Variants in KMT2E observed in about 807,000 individuals in gnomAD.
KMT2E encodes the protein lysine methyltransferase 2E (inactive).
KMT2E carries 30 observed loss-of-function variants against 184.6 expected under a neutral mutation model. That is an observed-to-expected ratio of 0.16 (90% CI 0.12 to 0.22). KMT2E has a LOEUF of 0.22. Among genes scored for constraint, KMT2E ranks in the 10% least tolerant of loss-of-function variants. KMT2E has a pLI of 1.00. For missense variants in KMT2E, 2,023 were observed against 2,237.4 expected (o/e 0.90, Z 1.93); for synonymous variants, 815 against 776.5 (o/e 1.05, Z -0.82).
At chr7:105,041,836 CACTT>C (rs1795895386) in intron 3 of KMT2E, among the ~76,000 whole-genome samples, 1 of 152,130 alleles carries the variant, frequency 6.6e-6, no homozygotes, top group African/African-American at 2.4e-5. Flanking sequence ...GATTTCTTGA[CACTT>C]AATCGACTAT....
At chr7:105,045,680 T>C (rs1214166690) in intron 3 of KMT2E, among the ~76,000 whole-genome samples, 2 of 152,238 alleles carry the variant, frequency 1.3e-5, no homozygotes, top group African/African-American at 4.8e-5. Flanking sequence ...ATATTTTGCT[T>C]ATCCATTCAT....
chr7:105,107,105 T>C (rs998343518), intron 20 of KMT2E, 61 bp from the exon 21 acceptor site: 1 of 889,728 alleles, frequency 1.1e-6, no homozygotes, highest in Non-Finnish European at 1.7e-6. Context: ...ATTTCTATAA[T>C]TATTATGGAT....
At position 105,074,624 on chromosome 7, in the gene KMT2E, A is replaced by G; in HGVS notation, c.557-19A>G. 6.8e-7 allele frequency: 1 copy of G among 1,462,250 alleles called. No homozygotes were observed. The highest frequency in any genetic ancestry group is 9.1e-7 in the Non-Finnish European group (1 of 1,100,370). The allele number at this position is 1,462,250 out of a possible 1,614,324, so 90.6% of individuals were successfully genotyped here. A position where few individuals can be genotyped will look rare whatever the true frequency, so the allele number is the denominator to read the frequency against. On this transcript the variant is annotated intron_variant, in intron 7 of 26. Coordinates refer to ENST00000311117, the MANE Select transcript of KMT2E (RefSeq NM_182931.3). ...AAATAGAAGTATTAAATGTGCAATAATTTTTATTTTGTCTGAAGATGGTGA... is the reference window on the plus strand; with the variant it reads ...AAATAGAAGTATTAAATGTGCAATAGTTTTTATTTTGTCTGAAGATGGTGA...
At chr7:105,111,800 T>A (rs1167060296) in intron 26 of KMT2E, 25 bp from the exon 27 acceptor site, 1 of 1,580,932 alleles carries the variant, frequency 6.3e-7, no homozygotes. Context: ...TCCTTGAATG[T>A]ATATAATTTG....
chr7:105,109,015 T>C lies in KMT2E; in HGVS notation c.3542T>C (p.Leu1181Pro). 6.2e-7 allele frequency: 1 copy of C among 1,614,150 alleles called. No individual in the cohort carries two copies. The highest frequency in any genetic ancestry group is 8.5e-7 in the Non-Finnish European group (1 of 1,180,008). Residue 1181 changes from leucine (L) to proline (P), a missense_variant, in exon 23 of 27, where the codon CTC becomes CCC. Physicochemically the swap from Leu to Pro is moderately conservative, Grantham distance 98. This residue lies in a region of KMT2E where 1,108 missense variants were observed against 1,050.9 expected (regional missense o/e 1.05). Transcript: ENST00000311117. ...GGCTCTAAGACAGAGAACTTTCCAC[T>C]CATTAGTGTATCACCCCATGCAAGT... is the stretch of plus-strand genomic sequence containing the variant. Reference protein sequence around the residue: ...KSGSKTENFPLISVSPHASGS... With the variant: ...KSGSKTENFPPISVSPHASGS...
intron 3 of KMT2E, among the ~76,000 whole-genome samples, chr7:105,043,138 A>G (rs368152200): frequency 6.6e-6 from 1 of 152,192 alleles, no homozygotes; most frequent in African/African-American, 2.4e-5. Flanking sequence ...TTATTCCATC[A>G]TTCTAAACTG....
At chr7:105,035,771 C>T (rs1020405720) in intron 1 of KMT2E, among the ~76,000 whole-genome samples, 6 of 151,862 alleles carry the variant, frequency 4.0e-5, no homozygotes, top group Non-Finnish European at 7.4e-5. Context: ...GTTGGCCAGG[C>T]TGGTCTCGAA....
chr7:105,062,309 T>G (rs1796848576), intron 4 of KMT2E, 31 bp downstream of exon 4: 5 of 1,457,292 alleles, frequency 3.4e-6, no homozygotes, highest in Non-Finnish European at 4.8e-6. Flanking sequence ...TGAAAAAACA[T>G]TTTTAAATTT....
chr7:105,072,589 T>A (rs1040134225), intron 6 of KMT2E, among the ~76,000 whole-genome samples: 12 of 152,182 alleles, frequency 7.9e-5, no homozygotes, highest in Non-Finnish European at 1.6e-4. Flanking sequence ...CTATGGATGA[T>A]GTAGTTCATG....
At chr7:105,103,816 A>AT (rs1474427404) in intron 17 of KMT2E, 1 of 137,478 alleles carries the variant, frequency 7.3e-6, no homozygotes, top group Non-Finnish European at 1.6e-5. Flanking sequence ...AGTTCTGTAC[A>AT]TTTTCTTTTT....
At chr7:105,029,078 A>G (rs1406827571) in intron 1 of KMT2E, among the ~76,000 whole-genome samples, 1 of 152,088 alleles carries the variant, frequency 6.6e-6, no homozygotes, top group Non-Finnish European at 1.5e-5. Flanking sequence ...TAGCCTGGCC[A>G]ACATAGGGAA....
chr7:105,087,421 CTT>C (rs1251903238), intron 13 of KMT2E, among the ~76,000 whole-genome samples: 1 of 146,214 alleles, frequency 6.8e-6, no homozygotes, highest in Non-Finnish European at 1.5e-5. Context: ...AGGTCTTTTT[CTT>C]TTTTTTTGTT....
chr7:105,040,925 G>C lies in KMT2E; in HGVS notation c.-28G>C. The C allele has an allele frequency of 6.3e-7, 1 of 1,586,912 alleles. No individual in the cohort carries two copies. The highest frequency in any genetic ancestry group is 8.6e-7 in the Non-Finnish European group (1 of 1,158,560). Reference sequence around the variant, plus strand: ...GGATACCAATGCATAGGACTCCATAGTAATCGAATTTACCAGAGGCGAACG... The same window carrying C: ...GGATACCAATGCATAGGACTCCATACTAATCGAATTTACCAGAGGCGAACG... On this transcript the variant is annotated 5_prime_UTR_variant, in exon 3 of 27. The change abolishes the stop of an existing upstream ORF in the 5' untranslated region. Transcript: ENST00000311117.
intron 6 of KMT2E, among the ~76,000 whole-genome samples, chr7:105,072,832 T>G (rs1797376620): frequency 6.6e-6 from 1 of 152,008 alleles, no homozygotes; most frequent in Non-Finnish European, 1.5e-5. Context: ...GGGAATCGCT[T>G]GAACCCAGGA....
chr7:105,106,000 C>G lies in KMT2E; in HGVS notation c.2593C>G (p.Pro865Ala), dbSNP rs1272904033. 6.3e-7 allele frequency: 1 copy of G among 1,599,224 alleles called. No individual in the cohort carries two copies. The highest frequency in any genetic ancestry group is 8.5e-7 in the Non-Finnish European group (1 of 1,176,208). Residue 865 changes from proline (P) to alanine (A), a missense_variant, in exon 19 of 27, where the codon CCA (proline) becomes GCA (alanine). Physicochemically the swap from Pro to Ala is conservative, Grantham distance 27 (BLOSUM62 -1). Transcript: ENST00000311117. ...ACTATTAAATGACAGCTGTTCCCTT[C>G]CAGGTAGAATTTTTTTTTCAGAGTT... ...PLLLNDSCSL[P>A]DLTTPLKKRR...
At chr7:105,021,741 T>C (rs1794965159) in intron 1 of KMT2E, among the ~76,000 whole-genome samples, 1 of 152,106 alleles carries the variant, frequency 6.6e-6, no homozygotes, top group African/African-American at 2.4e-5. Context: ...CTGAAAACAA[T>C]TACCTTTTTC....
intron 23 of KMT2E, 125 bp downstream of exon 23, chr7:105,109,353 T>C: frequency 1.0e-6 from 1 of 955,868 alleles, no homozygotes; most frequent in South Asian, 1.7e-5. Flanking sequence ...AAAGATTCTC[T>C]CTGCTAATAG....
intron 3 of KMT2E, among the ~76,000 whole-genome samples, chr7:105,043,485 C>T (rs1795973201): frequency 6.6e-6 from 1 of 152,082 alleles, no homozygotes; most frequent in Non-Finnish European, 1.5e-5. Flanking sequence ...ATCCACCCGC[C>T]TCGGCCTCCC....
At chr7:105,086,021 A>G (rs888543151) in intron 13 of KMT2E, among the ~76,000 whole-genome samples, 7 of 152,280 alleles carry the variant, frequency 4.6e-5, no homozygotes, top group Non-Finnish European at 1.0e-4. Context: ...TTGTTGGCAA[A>G]TATTATCTAG....
Sources: allele counts gnomAD v4.1 joint callset (sites outside exome capture counted in the v4.1 genomes callset), GRCh38; gene constraint gnomAD v4.1.1; regional missense constraint gnomAD v4.1.1; transcripts MANE v1.5; gene names NCBI Gene and HGNC (gene_info 2026-07-23, HGNC 2026-07-21).